The following TRAPPC8 variants were observed in gnomAD, a reference collection of about 807,000 sequenced individuals.
TRAPPC8 encodes general sporulation gene 1 homolog.
TRAPPC8 carries 54 observed loss-of-function variants against 174.3 expected under a neutral mutation model. The observed-to-expected ratio is 0.31, with a 90% CI of 0.25 to 0.39. The LOEUF is 0.39. TRAPPC8 is among the 10% of genes least tolerant of loss of function. TRAPPC8 has a pLI of 1.00. For synonymous variants in TRAPPC8, 630 were observed against 579.9 expected, an observed-to-expected ratio of 1.09 and a Z score of -1.24; for missense variants, 1,531 against 1,699.1, an observed-to-expected ratio of 0.90 and a Z score of 1.74.
chr18:31,900,631 T>C (rs2036379294), intron 10 of TRAPPC8, among the ~76,000 whole-genome samples: 1 of 152,162 alleles, frequency 6.6e-6, no homozygotes, highest in Non-Finnish European at 1.5e-5. Flanking sequence ...ACAAAGAAAA[T>C]GCAAAATGAC....
In TRAPPC8 at chr18:31,846,752, A is replaced by T. The variant is rs756455801; in HGVS notation, c.3801T>A (p.Thr1267=). ...LEGQHHVILR[T]IGKEAFSYPQ... is the part of the protein sequence containing the mutation. ...GATATGAAAAGGCTTCTTTTCCTAT[A>T]GTGCGAAGAATAACATGATGTTGAC... Residue 1267 remains threonine (T), a synonymous_variant, in exon 26 of 29, where the codon ACT becomes ACA. Transcript: ENST00000283351. The T allele has an allele frequency of 1.2e-6, 2 of 1,613,110 alleles. No individual in the cohort carries two copies. The highest frequency in any genetic ancestry group is 1.7e-5 in the Admixed American group (1 of 59,974).
At chr18:31,912,183 A>C (rs1021818937) in intron 5 of TRAPPC8, among the ~76,000 whole-genome samples, 1 of 152,100 alleles carries the variant, frequency 6.6e-6, no homozygotes, top group Non-Finnish European at 1.5e-5. Flanking sequence ...GGTGGCTATA[A>C]AAGCATGTTA....
chr18:31,851,772 G>A, intron 24 of TRAPPC8, among the ~76,000 whole-genome samples: 1 of 151,948 alleles, frequency 6.6e-6, no homozygotes, highest in East Asian at 1.9e-4. Context: ...CTCAGAATAT[G>A]ATATGATATG....
chr18:31,875,368 T>TC (rs1464176874), intron 12 of TRAPPC8, among the ~76,000 whole-genome samples: 1 of 150,894 alleles, frequency 6.6e-6, no homozygotes, highest in East Asian at 1.9e-4. Flanking sequence ...ACTTTTTTTT[T>TC]CTATATTAAA....
intron 1 of TRAPPC8, among the ~76,000 whole-genome samples, chr18:31,942,305 G>T (rs1598777618): frequency 6.6e-6 from 1 of 152,222 alleles, no homozygotes; most frequent in East Asian, 1.9e-4. Flanking sequence ...TGGCCGTGGA[G>T]AACAGTCTCA....
chr18:31,917,802 C>T lies in TRAPPC8; in HGVS notation c.353-135G>A, dbSNP rs942421412. 22 of 708,196 alleles carry T rather than the reference C, an allele frequency of 3.1e-5. No homozygotes were observed. In the South Asian group the frequency reaches 3.4e-4, roughly 11 times the overall value. The allele number at this position is 708,196 out of a possible 1,614,324, so 43.9% of individuals were successfully genotyped here. ...AGTAAACAAGCATTTTTCACCTGTG[C>T]TTTCAGATGTACATGTGTGTATATA... On this transcript the variant is annotated intron_variant, in intron 2 of 28. Coordinates refer to ENST00000283351, the MANE Select transcript of TRAPPC8 (RefSeq NM_014939.5).
At chr18:31,913,932 A>G (rs538382877) in intron 4 of TRAPPC8, among the ~76,000 whole-genome samples, 1 of 152,182 alleles carries the variant, frequency 6.6e-6, no homozygotes, top group African/African-American at 2.4e-5. Context: ...TTGGAAGGCC[A>G]AGGTGGGAAG....
chr18:31,869,038 C>A (rs2034719058), intron 16 of TRAPPC8, among the ~76,000 whole-genome samples: 1 of 149,842 alleles, frequency 6.7e-6, no homozygotes. Flanking sequence ...AAGCATTTAG[C>A]AAGGTAGTAT....
At chr18:31,909,792 GTTATAC>G in intron 5 of TRAPPC8, 32 bp from the exon 6 acceptor site, 1 of 1,417,170 alleles carries the variant, frequency 7.1e-7, no homozygotes, top group African/African-American at 1.5e-5. Context: ...AGCATTAGCA[GTTATAC>G]TTAATCATAC....
intron 1 of TRAPPC8, among the ~76,000 whole-genome samples, chr18:31,938,982 A>T (rs964986069): frequency 3.4e-5 from 5 of 149,080 alleles, no homozygotes; most frequent in Non-Finnish European, 3.0e-5. Flanking sequence ...CGGGAGGCTG[A>T]GGCAGGAGAA....
At position 31,870,511 on chromosome 18, in the gene TRAPPC8, A is replaced by G. The variant is rs754654981; in HGVS notation, c.2258-9T>C. The stretch of plus-strand genomic sequence containing the variant: ...TTCCACTGTAATTGGTTCTATTAAA[A>G]AAAAGGCCTAAATTAATAACTTTAA... On this transcript the variant is annotated splice_polypyrimidine_tract_variant and intron_variant, in intron 15 of 28. Coordinates refer to ENST00000283351, the MANE Select transcript of TRAPPC8 (RefSeq NM_014939.5). 6 of 1,597,870 alleles carry G rather than the reference A, an allele frequency of 3.8e-6. No homozygotes were observed. In the South Asian group the frequency reaches 6.9e-5, roughly 18 times the overall value.
chr18:31,859,960 G>T (rs1568055644), intron 19 of TRAPPC8, among the ~76,000 whole-genome samples: 1 of 151,536 alleles, frequency 6.6e-6, no homozygotes, highest in Non-Finnish European at 1.5e-5. Context: ...AGGTTGCAGT[G>T]AGCCGAGATT....
chr18:31,904,219 G>A (rs553187211), intron 9 of TRAPPC8, among the ~76,000 whole-genome samples: 13 of 148,834 alleles, frequency 8.7e-5, no homozygotes, highest in Non-Finnish European at 1.6e-4. Context: ...CTGGGCAACA[G>A]AGCAAGACCT....
intron 11 of TRAPPC8, among the ~76,000 whole-genome samples, chr18:31,894,253 C>T (rs12963424): frequency 0.27 from 40,739 of 152,022 alleles, 5,785 homozygotes; most frequent in Middle Eastern, 0.4. Flanking sequence ...CTGTGACACC[C>T]AAAGTGGTAA....
rs1478306629 is a variant in TRAPPC8, at chr18:31,829,469, A to C, written c.*1286T>G. Reference sequence around the variant, plus strand: ...TTGTCCCACACCTGCTAAGACACAGAGTGGAAGGAGCTGAAAAGCCAGAGA... The same window carrying C: ...TTGTCCCACACCTGCTAAGACACAGCGTGGAAGGAGCTGAAAAGCCAGAGA... On this transcript the variant is annotated 3_prime_UTR_variant, in exon 29 of 29. Transcript: ENST00000283351. 1.3e-5 allele frequency: 2 copies of C among 152,234 alleles called. No homozygotes were observed. Among genetic ancestry groups the C allele is most frequent in the African/African-American group, 4.8e-5 (2 of 41,436 alleles). 9.4% of individuals were successfully genotyped at this position (152,234 alleles called of 1,614,324 possible).
Position 31,831,030 on chromosome 18 carries a change from T to C in TRAPPC8, c.4074-41A>G. 3 of 1,548,668 alleles carry C rather than the reference T, an allele frequency of 1.9e-6. No homozygotes were observed. The South Asian group carries it at 3.6e-5, about 18-fold the overall frequency. On this transcript the variant is annotated intron_variant, in intron 28 of 28. Coordinates refer to ENST00000283351, the MANE Select transcript of TRAPPC8 (RefSeq NM_014939.5). ...AATGTAAGTTGCAGGATTTTTTTCTTTTTAATTTTTTTCCCAAAGTCACAT... is the reference window on the plus strand; with the variant it reads ...AATGTAAGTTGCAGGATTTTTTTCTCTTTAATTTTTTTCCCAAAGTCACAT...
chr18:31,876,879 C>T (rs1024234456), intron 12 of TRAPPC8, among the ~76,000 whole-genome samples: 1 of 152,174 alleles, frequency 6.6e-6, no homozygotes, highest in African/African-American at 2.4e-5. Flanking sequence ...CACAGGCATG[C>T]CCGCCCTCCT....
At chr18:31,851,241 G>A (rs2033687584) in intron 24 of TRAPPC8, among the ~76,000 whole-genome samples, 1 of 152,118 alleles carries the variant, frequency 6.6e-6, no homozygotes, top group Admixed American at 6.6e-5. Context: ...TATCTTCAGG[G>A]ATAGCTTAAA....
intron 4 of TRAPPC8, among the ~76,000 whole-genome samples, chr18:31,915,474 G>GA (rs2037094720): frequency 7.7e-6 from 1 of 129,076 alleles, no homozygotes; most frequent in Non-Finnish European, 1.7e-5. Context: ...AAAAAAGGGG[G>GA]GGGGGGCGCA....
Sources: gnomAD v4.1 joint callset for allele counts (sites outside exome capture counted in the v4.1 genomes callset) on GRCh38, gnomAD v4.1.1 for gene constraint, MANE v1.5 for transcripts, NCBI Gene and HGNC (gene_info 2026-07-23, HGNC 2026-07-21) for gene names.